Variants in WASHC2A observed in about 807,000 individuals in gnomAD.
WASHC2A encodes the protein WASH complex subunit FAM21A.
WASHC2A carries 82 observed loss-of-function variants against 140.3 expected under a neutral mutation model. The observed-to-expected ratio is 0.58, with a 90% CI of 0.49 to 0.70. The LOEUF (loss-of-function observed/expected upper bound fraction) is 0.70. Among genes scored for constraint, WASHC2A ranks in the 30% least tolerant of loss-of-function variants. The probability of loss-of-function intolerance (pLI) is 0.00; values close to 1 mark genes in which losing one functional copy is unlikely to be tolerated. For synonymous variants in WASHC2A, 340 were observed against 560.8 expected, an observed-to-expected ratio of 0.61 and a Z score of 5.56; for missense variants, 985 against 1,521.8, an observed-to-expected ratio of 0.65 and a Z score of 5.87.
In WASHC2A at chr10:50,091,535, T is replaced by C. The variant is rs1554882810; in HGVS notation, c.931+17T>C. 5.2e-6 allele frequency: 8 copies of C among 1,549,456 alleles called. No homozygotes were observed. In the East Asian group the frequency reaches 7.3e-5, roughly 14 times the overall value. On this transcript the variant is annotated intron_variant, in intron 10 of 30. Transcript: ENST00000282633. ...AGCCGACAAGTGAGCCCCAGCCGCG[T>C]TGATGGGGAGTAGGGGGGGAGTAGT...
intron 29 of WASHC2A, 93 bp downstream of exon 29, chr10:50,130,132 C>T (rs1243843780): frequency 7.3e-6 from 11 of 1,510,252 alleles, no homozygotes; most frequent in South Asian, 3.6e-5. Flanking sequence ...TAGCTTGTTG[C>T]GTGCATACCC....
chr10:50,079,403 A>AT (rs1317784814), intron 4 of WASHC2A, among the ~76,000 whole-genome samples: 1 of 152,086 alleles, frequency 6.6e-6, no homozygotes, highest in Non-Finnish European at 1.5e-5. Context: ...ATTTAAAAAA[A>AT]TTTTTTATTT....
At position 50,068,123 on chromosome 10, in the gene WASHC2A, G is replaced by T. The variant is rs1296497284; in HGVS notation, c.22G>T (p.Asp8Tyr). 1.9e-6 allele frequency: 3 copies of T among 1,605,824 alleles called. No individual in the cohort carries two copies. The highest frequency in any genetic ancestry group is 1.4e-5 in the African/African-American group (1 of 73,450). The change falls in exon 2 of 31, where the codon GAC becomes TAC. Residue 8 changes from aspartate to tyrosine, a missense_variant. Asp to Tyr is a radical substitution (Grantham distance 160). Transcript: ENST00000282633. Reference sequence around the variant, plus strand: ...GCTGCAGATGAACCGGACGACCCCCGACCAGGAGCTGGCGCCAGCGTCGGA... The same window carrying T: ...GCTGCAGATGAACCGGACGACCCCCTACCAGGAGCTGGCGCCAGCGTCGGA... MMNRTTP[D>Y]QELAPASEPV... is the part of the protein sequence containing the mutation.
intron 20 of WASHC2A, among the ~76,000 whole-genome samples, chr10:50,110,573 A>G (rs1842196888): frequency 1.3e-5 from 2 of 151,968 alleles, no homozygotes; most frequent in African/African-American, 4.8e-5. Context: ...ACTCTAAAGT[A>G]TGTCAGGTTT....
At chr10:50,078,822 T>A (rs1838620332) in intron 4 of WASHC2A, 85 bp downstream of exon 4, 12 of 1,572,776 alleles carry the variant, frequency 7.6e-6, no homozygotes, top group Non-Finnish European at 9.5e-6. Context: ...AACTGGGGGA[T>A]GGTGGGCGGG....
At chr10:50,075,883 T>C (rs1554877684) in intron 3 of WASHC2A, among the ~76,000 whole-genome samples, 1 of 152,030 alleles carries the variant, frequency 6.6e-6, no homozygotes, top group African/African-American at 2.4e-5. Flanking sequence ...GCTTTTTACT[T>C]TTCTGTGTGA....
At chr10:50,127,469 C>T (rs1843534608) in intron 27 of WASHC2A, 114 bp from the exon 28 acceptor site, 2 of 1,610,116 alleles carry the variant, frequency 1.2e-6, no homozygotes, top group Non-Finnish European at 1.7e-6. Context: ...TCCTACGTTT[C>T]TCTACTCCTC....
intron 17 of WASHC2A, among the ~76,000 whole-genome samples, chr10:50,101,218 G>A (rs1373973851): frequency 2.0e-5 from 3 of 152,308 alleles, no homozygotes; most frequent in Non-Finnish European, 4.4e-5. Context: ...GAAACAGCAT[G>A]ATGGGGCCTC....
Position 50,132,983 on chromosome 10 carries a change from T to C in WASHC2A, c.*38T>C. ...ATCCACATGTTACCCTGCAGCTACATTGTTGAGTTAGTGATGATGTTGTAT... is the reference window on the plus strand; with the variant it reads ...ATCCACATGTTACCCTGCAGCTACACTGTTGAGTTAGTGATGATGTTGTAT... On this transcript the variant is annotated 3_prime_UTR_variant, in exon 31 of 31. Coordinates refer to ENST00000282633, the MANE Select transcript of WASHC2A (RefSeq NM_001005751.3). 3.1e-6 allele frequency: 5 copies of C among 1,611,830 alleles called. No homozygotes were observed. The highest frequency in any genetic ancestry group is 4.2e-6 in the Non-Finnish European group (5 of 1,179,716).
chr10:50,090,522 A>ATATATATATATTTATATT (rs1839823838), intron 8 of WASHC2A, among the ~76,000 whole-genome samples: 1 of 135,890 alleles, frequency 7.4e-6, no homozygotes, highest in Non-Finnish European at 1.6e-5. Flanking sequence ...AAAAATATAT[A>ATATATATATATTTATATT]TATATATATT....
At chr10:50,101,810 G>T (rs1841213186) in intron 17 of WASHC2A, among the ~76,000 whole-genome samples, 1 of 146,190 alleles carries the variant, frequency 6.8e-6, no homozygotes. Flanking sequence ...AAGGTGGCTG[G>T]GCTGAGGATC....
intron 17 of WASHC2A, among the ~76,000 whole-genome samples, chr10:50,101,587 G>A (rs1841183906): frequency 1.3e-5 from 2 of 152,264 alleles, no homozygotes; most frequent in South Asian, 4.1e-4. Context: ...CCAGTGCTTG[G>A]CATGTTGTAA....
intron 7 of WASHC2A, among the ~76,000 whole-genome samples, chr10:50,085,910 T>C (rs1395785203): frequency 6.6e-6 from 1 of 152,014 alleles, no homozygotes; most frequent in African/African-American, 2.4e-5. Flanking sequence ...TTTGAATAAT[T>C]CTAAGGGAAA....
chr10:50,095,575 G>T (rs1229339351), intron 14 of WASHC2A, 24 bp from the exon 15 acceptor site: 22 of 1,611,670 alleles, frequency 1.4e-5, no homozygotes, highest in South Asian at 3.3e-5. Context: ...CACAGCTGTG[G>T]CTGTCTTGTC....
rs1842654699 is a variant in WASHC2A, at chr10:50,116,129, AG to A, written c.2143-1776del. ...AGACTCCATCTCAAAAAAAAAAAAA[AG>A]AAAGAAAAAAACAGGAAGTAAACTT... On this transcript the variant is annotated intron_variant, in intron 21 of 30. Transcript: ENST00000282633. 3.9e-4 allele frequency among the ~76,000 whole-genome samples: 50 copies of A among 126,954 alleles called. No homozygotes were observed. In the South Asian group the frequency reaches 0.015, roughly 39 times the overall value. 83.3% of individuals were successfully genotyped at this position (126,954 alleles called of 152,430 possible). A position where few individuals can be genotyped will look rare whatever the true frequency, so the allele number is the denominator to read the frequency against.
intron 17 of WASHC2A, among the ~76,000 whole-genome samples, chr10:50,100,726 T>G (rs1841044557): frequency 6.6e-6 from 1 of 152,232 alleles, no homozygotes; most frequent in Non-Finnish European, 1.5e-5. Flanking sequence ...AGACCATGCC[T>G]TAACGCTGTA....
intron 17 of WASHC2A, among the ~76,000 whole-genome samples, chr10:50,100,962 T>G (rs1201675996): frequency 1.3e-5 from 2 of 152,310 alleles, no homozygotes; most frequent in African/African-American, 4.8e-5. Context: ...TGGGAAGTAA[T>G]AAGCCCCTTT....
intron 16 of WASHC2A, among the ~76,000 whole-genome samples, chr10:50,098,325 A>T (rs1346193936): frequency 6.6e-6 from 1 of 151,928 alleles, no homozygotes; most frequent in Non-Finnish European, 1.5e-5. Context: ...TCATACTGCA[A>T]TTTCCTCTCT....
intron 3 of WASHC2A, among the ~76,000 whole-genome samples, chr10:50,074,582 T>C (rs1470449607): frequency 8.6e-5 from 13 of 152,036 alleles, no homozygotes; most frequent in African/African-American, 2.9e-4. Context: ...TTAGCACATA[T>C]ATTCTAAGTC....
Sources: allele counts gnomAD v4.1 joint callset (sites outside exome capture counted in the v4.1 genomes callset), GRCh38; gene constraint gnomAD v4.1.1; transcripts MANE v1.5; gene names NCBI Gene and HGNC (gene_info 2026-07-23, HGNC 2026-07-21).